Variants in SEMA5A observed in about 807,000 individuals in gnomAD.
SEMA5A encodes the protein semaphorin-5A.
A neutral mutation model predicts 135.5 loss-of-function variants in SEMA5A; 55 were observed. The observed-to-expected ratio is 0.41, with a 90% CI of 0.33 to 0.51. The LOEUF (loss-of-function observed/expected upper bound fraction) is 0.51. Among genes scored for constraint, SEMA5A ranks in the 20% least tolerant of loss-of-function variants. The probability of loss-of-function intolerance (pLI) is 0.37; values close to 1 mark genes in which losing one functional copy is unlikely to be tolerated. For missense variants in SEMA5A, 1,290 were observed against 1,419.9 expected, an observed-to-expected ratio of 0.91 and a Z score of 1.47; for synonymous variants, 580 against 546.5, an observed-to-expected ratio of 1.06 and a Z score of -0.85.
intron 18 of SEMA5A, among the ~76,000 whole-genome samples, chr5:9,061,515 A>G (rs914022689): frequency 6.6e-6 from 1 of 152,092 alleles, no homozygotes; most frequent in African/African-American, 2.4e-5. Context: ...GTGTGGGCTG[A>G]AGACTTTCCG....
At chr5:9,504,472 G>A (rs446904) in intron 1 of SEMA5A, among the ~76,000 whole-genome samples, 147,811 of 152,232 alleles carry the variant, frequency 0.97, 72,009 homozygotes, top group Non-Finnish European at 1. Flanking sequence ...CCCCTTTCTT[G>A]CAGAACGTGG....
In SEMA5A at chr5:9,119,135, T is replaced by C; in HGVS notation, c.1788A>G (p.Gly596=). 1 of 1,613,434 alleles carries C rather than the reference T, an allele frequency of 6.2e-7. No individual in the cohort carries two copies. The highest frequency in any genetic ancestry group is 8.5e-7 in the Non-Finnish European group (1 of 1,179,810). The change falls in exon 15 of 23, where the codon GGA becomes GGG. Residue 596 remains glycine (G), a synonymous_variant. Coordinates refer to ENST00000382496, the MANE Select transcript of SEMA5A (RefSeq NM_003966.3). ...GMEIANCSRN[G]GWTPWTSWSP... is the part of the protein sequence containing the mutation. The stretch of plus-strand genomic sequence containing the variant: ...ACCACGAGGTCCAGGGAGTCCAGCC[T>C]CCGTTCCTGAGGGAAGGGAAGCAAT...
intron 10 of SEMA5A, among the ~76,000 whole-genome samples, chr5:9,196,809 C>T (rs1486247306): frequency 6.6e-6 from 1 of 152,200 alleles, no homozygotes; most frequent in African/African-American, 2.4e-5. Flanking sequence ...GTGCCCTGGA[C>T]CCCATTCATT....
At chr5:9,382,849 G>C (rs996736817) in intron 2 of SEMA5A, among the ~76,000 whole-genome samples, 2 of 152,200 alleles carry the variant, frequency 1.3e-5, no homozygotes, top group Non-Finnish European at 2.9e-5. Flanking sequence ...TTCAGAGCAG[G>C]CAGAAGGTTG....
At chr5:9,320,849 C>T (rs1752598865) in intron 4 of SEMA5A, among the ~76,000 whole-genome samples, 1 of 152,182 alleles carries the variant, frequency 6.6e-6, no homozygotes, top group African/African-American at 2.4e-5. Flanking sequence ...AGCTTTCACC[C>T]AGTGTGACCT....
chr5:9,544,826 CG>C (rs1369829552), intron 1 of SEMA5A, among the ~76,000 whole-genome samples: 1 of 152,188 alleles, frequency 6.6e-6, no homozygotes, highest in African/African-American at 2.4e-5. Flanking sequence ...GGGAGCGAGC[CG>C]GGGGAATCAC....
intron 13 of SEMA5A, among the ~76,000 whole-genome samples, chr5:9,132,080 T>A (rs1353278630): frequency 1.3e-5 from 2 of 152,330 alleles, no homozygotes; most frequent in African/African-American, 4.8e-5. Context: ...TGTTTTCAAT[T>A]ACAATTTTAT....
chr5:9,315,060 T>C (rs965465086), intron 5 of SEMA5A, among the ~76,000 whole-genome samples: 1 of 152,152 alleles, frequency 6.6e-6, no homozygotes, highest in Non-Finnish European at 1.5e-5. Context: ...TCAGTTTCCT[T>C]GACCTCACAA....
intron 16 of SEMA5A, among the ~76,000 whole-genome samples, chr5:9,093,703 A>T (rs1350011986): frequency 6.7e-6 from 1 of 150,244 alleles, no homozygotes; most frequent in Non-Finnish European, 1.5e-5. Flanking sequence ...AAAAAAAAAC[A>T]AAAAAACAAA....
intron 16 of SEMA5A, among the ~76,000 whole-genome samples, chr5:9,069,704 T>A (rs1036235305): frequency 6.6e-6 from 1 of 152,174 alleles, no homozygotes. Context: ...CTCTAGGCAT[T>A]CCTCCCGGCC....
At chr5:9,313,735 G>T (rs1752246104) in intron 5 of SEMA5A, among the ~76,000 whole-genome samples, 1 of 152,210 alleles carries the variant, frequency 6.6e-6, no homozygotes, top group Non-Finnish European at 1.5e-5. Flanking sequence ...TTACAAAGAG[G>T]TGTTGTCTCC....
intron 11 of SEMA5A, among the ~76,000 whole-genome samples, chr5:9,164,001 AATATAAT>A (rs1383133705): frequency 6.9e-6 from 1 of 144,250 alleles, no homozygotes; most frequent in Non-Finnish European, 1.5e-5. Context: ...TTATGTATAT[AATATAAT>A]ATATATTTAT....
rs1158790995 is a variant in SEMA5A, at chr5:9,042,450, T to C, written c.*447A>G. Reference sequence around the variant, plus strand: ...TAATTGTTTGGCCACATTCTTTTTCTTCATTTTATGAAATATTATGGACCT... The same window carrying C: ...TAATTGTTTGGCCACATTCTTTTTCCTCATTTTATGAAATATTATGGACCT... On this transcript the variant is annotated 3_prime_UTR_variant, in exon 23 of 23. Coordinates refer to ENST00000382496, the MANE Select transcript of SEMA5A (RefSeq NM_003966.3). 1.3e-5 allele frequency: 2 copies of C among 159,184 alleles called. No individual in the cohort carries two copies. Among genetic ancestry groups the C allele is most frequent in the Non-Finnish European group, 2.7e-5 (2 of 73,234 alleles). 9.9% of individuals were successfully genotyped at this position (159,184 alleles called of 1,614,324 possible). A position where few individuals can be genotyped will look rare whatever the true frequency, so the allele number is the denominator to read the frequency against.
chr5:9,070,819 T>G (rs549879076), intron 16 of SEMA5A, among the ~76,000 whole-genome samples: 1 of 152,356 alleles, frequency 6.6e-6, no homozygotes, highest in Admixed American at 6.5e-5. Flanking sequence ...TACATTCACT[T>G]GAAGTATCAA....
intron 13 of SEMA5A, among the ~76,000 whole-genome samples, chr5:9,135,433 G>T (rs947873290): frequency 1.3e-5 from 2 of 151,608 alleles, no homozygotes; most frequent in Non-Finnish European, 2.9e-5. Context: ...CACCTGCCTC[G>T]GCCTCCCAAA....
At chr5:9,263,444 A>G (rs1438021154) in intron 5 of SEMA5A, among the ~76,000 whole-genome samples, 4 of 151,802 alleles carry the variant, frequency 2.6e-5, no homozygotes, top group Non-Finnish European at 4.4e-5. Flanking sequence ...TAGGTTATCT[A>G]CTCTTTATGG....
chr5:9,148,191 C>T (rs962764549), intron 12 of SEMA5A, among the ~76,000 whole-genome samples: 1 of 152,140 alleles, frequency 6.6e-6, no homozygotes, highest in African/African-American at 2.4e-5. Context: ...ACAGATTAAC[C>T]TATGTAATTT....
Position 9,321,354 on chromosome 5 carries a change from C to G in SEMA5A, c.225-2937G>C, listed in dbSNP as rs190808306. Reference sequence around the variant, plus strand: ...ACCAGGGAAATTACTAGCCATTGTACACCCGTTGCCTCTATGAGCAGCTCA... The same window carrying G: ...ACCAGGGAAATTACTAGCCATTGTAGACCCGTTGCCTCTATGAGCAGCTCA... On this transcript the variant is annotated intron_variant, in intron 4 of 22. Coordinates refer to ENST00000382496, the MANE Select transcript of SEMA5A (RefSeq NM_003966.3). 9.5e-4 allele frequency among the ~76,000 whole-genome samples: 145 copies of G among 152,294 alleles called. No homozygotes were observed. In the Middle Eastern group the frequency reaches 0.01, roughly 11 times the overall value.
chr5:9,464,617 T>C (rs1471495031), intron 1 of SEMA5A, among the ~76,000 whole-genome samples: 4 of 152,226 alleles, frequency 2.6e-5, no homozygotes, highest in African/African-American at 9.6e-5. Flanking sequence ...TTCCAATCCA[T>C]TTGAAATTCC....
Sources: allele counts gnomAD v4.1 joint callset (sites outside exome capture counted in the v4.1 genomes callset), GRCh38; gene constraint gnomAD v4.1.1; transcripts MANE v1.5; gene names NCBI Gene and HGNC (gene_info 2026-07-23, HGNC 2026-07-21).